Variants in SHANK2 observed in about 807,000 individuals in gnomAD.
The protein encoded by SHANK2 is SH3 and multiple ankyrin repeat domains protein 2.
Under a neutral mutation model 133.7 loss-of-function variants are expected in SHANK2, and 43 were observed. That is an observed-to-expected ratio of 0.32 (90% CI 0.25 to 0.41). SHANK2 has a LOEUF of 0.41. Among genes scored for constraint, SHANK2 ranks in the 10% least tolerant of loss-of-function variants. SHANK2 has a pLI of 1.00. For missense variants in SHANK2, 1,994 were observed against 2,235.8 expected (o/e 0.89, Z 2.18); for synonymous variants, 1,017 against 952.8 (o/e 1.07, Z -1.24).
chr11:70,475,922 C>T (rs1169364118), intron 25 of SHANK2, among the ~76,000 whole-genome samples: 5 of 152,148 alleles, frequency 3.3e-5, no homozygotes, highest in African/African-American at 1.2e-4. Flanking sequence ...CCCAGTTACT[C>T]ACAATCAAGA....
At chr11:70,752,445 G>A (rs893563452) in intron 14 of SHANK2, among the ~76,000 whole-genome samples, 2 of 152,182 alleles carry the variant, frequency 1.3e-5, no homozygotes, top group Admixed American at 6.5e-5. Context: ...TCGGCCGGGC[G>A]CGGTGGCTCA....
chr11:70,863,012 G>A, intron 11 of SHANK2: 1 of 317,854 alleles, frequency 3.1e-6, no homozygotes, highest in South Asian at 2.9e-5. Context: ...GTGTGAGCTG[G>A]TGGGCAGGGC....
At chr11:70,670,457 G>A (rs942237361) in intron 15 of SHANK2, among the ~76,000 whole-genome samples, 29 of 152,338 alleles carry the variant, frequency 1.9e-4, no homozygotes, top group Non-Finnish European at 3.7e-4. Context: ...TTTGGCCGCC[G>A]GGTGCGGGCA....
chr11:71,113,483 T>C, intron 4 of SHANK2, 119 bp from the exon 5 acceptor site: 2 of 858,460 alleles, frequency 2.3e-6, no homozygotes, highest in Admixed American at 2.1e-5. Context: ...CACAGCAAAC[T>C]TCCAGTTTTA....
At chr11:70,496,883 A>C in intron 21 of SHANK2, 2 of 448,110 alleles carry the variant, frequency 4.5e-6, no homozygotes, top group South Asian at 3.2e-5. Flanking sequence ...CACCCTACCC[A>C]TCATCACAGT....
intron 11 of SHANK2, among the ~76,000 whole-genome samples, chr11:70,837,819 A>G (rs1948842971): frequency 6.6e-6 from 1 of 151,896 alleles, no homozygotes; most frequent in South Asian, 2.1e-4. Flanking sequence ...TACTAAAAAC[A>G]CAAAAAATGA....
chr11:70,657,297 A>C (rs1205531554), intron 17 of SHANK2, among the ~76,000 whole-genome samples: 1 of 152,222 alleles, frequency 6.6e-6, no homozygotes, highest in Non-Finnish European at 1.5e-5. Context: ...CACCAAAAAG[A>C]AAATTCACGT....
intron 10 of SHANK2, among the ~76,000 whole-genome samples, chr11:70,938,446 T>C (rs557175073): frequency 2.0e-5 from 3 of 152,312 alleles, no homozygotes; most frequent in African/African-American, 7.2e-5. Context: ...TACATGCAGC[T>C]CTACTCAAGG....
chr11:70,475,851 C>T (rs1555149997), intron 25 of SHANK2, among the ~76,000 whole-genome samples: 1 of 152,210 alleles, frequency 6.6e-6, no homozygotes, highest in African/African-American at 2.4e-5. Context: ...ATTGGTTATA[C>T]TGCTCACACC....
chr11:70,479,785 G>A lies in SHANK2; in HGVS notation c.4979+5529C>T, dbSNP rs181749397. On this transcript the variant is annotated intron_variant, in intron 25 of 25. Transcript: ENST00000601538. This position sits in a 1 kb window ranked among gnomAD's most constrained non-coding sequence, Gnocchi z 4.4. ...ATCAGATTTATCTGGCTTTACTATC[G>A]GCGCCTGGTATGTGTCAGTATCTCT... is the stretch of plus-strand genomic sequence containing the variant. 2.7e-3 allele frequency among the ~76,000 whole-genome samples: 404 copies of A among 152,320 alleles called. No individual in the cohort carries two copies. Among genetic ancestry groups the A allele is most frequent in the Non-Finnish European group, 4.1e-3 (276 of 68,018 alleles).
At chr11:70,799,502 T>C (rs987087473) in intron 13 of SHANK2, among the ~76,000 whole-genome samples, 9 of 152,204 alleles carry the variant, frequency 5.9e-5, no homozygotes, top group African/African-American at 1.9e-4. Flanking sequence ...TCACTTAAAA[T>C]GGAAGAAACT....
chr11:71,163,879 T>C (rs1200524969), intron 2 of SHANK2, among the ~76,000 whole-genome samples: 1 of 152,164 alleles, frequency 6.6e-6, no homozygotes, highest in East Asian at 1.9e-4. Flanking sequence ...ATGCGTGCTT[T>C]TTATTGTGCA....
In SHANK2 at chr11:70,479,939, T is replaced by C. The variant is rs1228742276; in HGVS notation, c.4979+5375A>G. Reference sequence around the variant, plus strand: ...TCCTTAGGCACTTAGCCCTTGAGTCTCCCTGCTTGTCTCCAGAATGCAGGC... The same window carrying C: ...TCCTTAGGCACTTAGCCCTTGAGTCCCCCTGCTTGTCTCCAGAATGCAGGC... On this transcript the variant is annotated intron_variant, in intron 25 of 25. Coordinates refer to ENST00000601538, the MANE Select transcript of SHANK2 (RefSeq NM_012309.5). The surrounding 1 kb of genome is among the most constrained non-coding windows in gnomAD (Gnocchi z 4.4). 6.6e-6 allele frequency among the ~76,000 whole-genome samples: 1 copy of C among 151,952 alleles called. No individual in the cohort carries two copies. Among genetic ancestry groups the C allele is most frequent in the African/African-American group, 2.4e-5 (1 of 41,362 alleles).
chr11:70,540,758 C>T (rs1054350424), intron 17 of SHANK2, among the ~76,000 whole-genome samples: 10 of 150,668 alleles, frequency 6.6e-5, no homozygotes, highest in African/African-American at 9.8e-5. Context: ...CCTGCAACGC[C>T]CAGCCACTCG....
At chr11:70,594,073 G>A (rs1427150943) in intron 17 of SHANK2, among the ~76,000 whole-genome samples, 4 of 152,186 alleles carry the variant, frequency 2.6e-5, no homozygotes, top group African/African-American at 7.2e-5. Context: ...GGAGCTGCCC[G>A]ATTCGTAAAT....
intron 17 of SHANK2, among the ~76,000 whole-genome samples, chr11:70,586,740 G>A (rs1554986834): frequency 2.6e-5 from 4 of 152,230 alleles, no homozygotes. Context: ...GGCGAGGGAA[G>A]CACGGCTCGC....
intron 17 of SHANK2, among the ~76,000 whole-genome samples, chr11:70,658,118 C>T (rs76926872): frequency 0.055 from 8,135 of 149,048 alleles, 299 homozygotes; most frequent in Middle Eastern, 0.098. Flanking sequence ...TATTTCAACA[C>T]CCCCCCCACC....
At chr11:70,629,498 T>C (rs2060952130) in intron 17 of SHANK2, among the ~76,000 whole-genome samples, 1 of 152,128 alleles carries the variant, frequency 6.6e-6, no homozygotes, top group Non-Finnish European at 1.5e-5. Flanking sequence ...GAGGGAGGTC[T>C]GGATCACAGG....
chr11:71,177,378 C>T (rs1226677412), intron 2 of SHANK2, among the ~76,000 whole-genome samples: 2 of 152,052 alleles, frequency 1.3e-5, no homozygotes, highest in African/African-American at 4.8e-5. Flanking sequence ...ACAACAATAG[C>T]ACAAAGGTTG....
Sources: allele counts gnomAD v4.1 joint callset (sites outside exome capture counted in the v4.1 genomes callset), GRCh38; gene constraint gnomAD v4.1.1; non-coding constraint Gnocchi (gnomAD v3.1); transcripts MANE v1.5; gene names NCBI Gene and HGNC (gene_info 2026-07-23, HGNC 2026-07-21).